Variants in AMBN observed in about 807,000 individuals in gnomAD.
AMBN encodes the protein enamel matrix protein.
A neutral mutation model predicts 48.0 loss-of-function variants in AMBN; 54 were observed. The ratio of observed to expected loss-of-function variants is 1.12; its 90% CI spans 0.90 to 1.41. AMBN has a LOEUF of 1.41. Ranked by LOEUF, AMBN falls within the 40% of genes most tolerant of loss-of-function variation. The probability of loss-of-function intolerance (pLI) is 0.00; values close to 1 mark genes in which losing one functional copy is unlikely to be tolerated. For synonymous variants in AMBN, 186 were observed against 190.0 expected (o/e 0.98, Z 0.17); for missense variants, 571 against 547.3 (o/e 1.04, Z -0.43).
At position 70,603,801 on chromosome 4, in the gene AMBN, A is replaced by C; in HGVS notation, c.754-76A>C. 2.0e-6 allele frequency: 3 copies of C among 1,512,210 alleles called. No homozygotes were observed. The South Asian group carries it at 3.4e-5, about 17-fold the overall frequency. The allele number at this position is 1,512,210 out of a possible 1,614,324, so 93.7% of individuals were successfully genotyped here. A position where few individuals can be genotyped will look rare whatever the true frequency, so the allele number is the denominator to read the frequency against. ...ATATTAAGGTTTAAGTGAAAACTAA[A>C]TAACTTTTAACTTTGTCTTGAGTAG... is the stretch of plus-strand genomic sequence containing the variant. On this transcript the variant is annotated intron_variant, in intron 11 of 12. Coordinates refer to ENST00000322937, the MANE Select transcript of AMBN (RefSeq NM_016519.6).
chr4:70,606,517 C>G lies in AMBN; in HGVS notation c.1131C>G (p.Ser377Arg). ...SPSGKMKGLP[S>R]VTPAAADPLM... is the part of the protein sequence containing the mutation. ...CAGGGAAGATGAAGGGACTCCCCAG[C>G]GTCACCCCAGCAGCTGCTGACCCAC... Residue 377 changes from serine to arginine, a missense_variant, in exon 13 of 13, where the codon AGC (serine) becomes AGG (arginine). Coordinates refer to ENST00000322937, the MANE Select transcript of AMBN (RefSeq NM_016519.6). The G allele has an allele frequency of 6.2e-7, 1 of 1,614,078 alleles. No individual in the cohort carries two copies. The highest frequency in any genetic ancestry group is 8.5e-7 in the Non-Finnish European group (1 of 1,179,984).
intron 6 of AMBN, 40 bp from the exon 7 acceptor site, chr4:70,602,584 A>T (rs764939749): frequency 6.9e-7 from 1 of 1,450,852 alleles, no homozygotes; most frequent in Non-Finnish European, 9.3e-7. Context: ...TATTTTGTTT[A>T]TTTTTTGACT....
Position 70,593,395 on chromosome 4 carries a change from G to T in AMBN, c.84G>T (p.Pro28=). 2.5e-6 allele frequency: 4 copies of T among 1,609,236 alleles called. No individual in the cohort carries two copies. The highest frequency in any genetic ancestry group is 3.4e-6 in the Non-Finnish European group (4 of 1,175,974). The change falls in exon 2 of 13, where the codon CCG becomes CCT. Residue 28 remains proline (P), a splice_region_variant and synonymous_variant. Coordinates refer to ENST00000322937, the MANE Select transcript of AMBN (RefSeq NM_016519.6). ...LCLLEMSFAV[P]FFPQQSGTPG... is the part of the protein sequence containing the mutation. ...TCCTGGAAATGAGTTTTGCAGTGCC[G>T]GTAAGTCAGTCTTTAGAGTGTGTCC...
In AMBN at chr4:70,606,552, C is replaced by G. The variant is rs1737658386; in HGVS notation, c.1166C>G (p.Pro389Arg). Residue 389 changes from proline (P) to arginine (R), a missense_variant, in exon 13 of 13, where the codon CCT (proline) becomes CGT (arginine). Coordinates refer to ENST00000322937, the MANE Select transcript of AMBN (RefSeq NM_016519.6). ...GCAGCTGCTGACCCACTGATGACCC[C>G]TGAATTAGCTGATGTTTATAGGACC... ...TPAAADPLMT[P>R]ELADVYRTYD... 1.2e-6 allele frequency: 2 copies of G among 1,614,024 alleles called. No individual in the cohort carries two copies. Among genetic ancestry groups the G allele is most frequent in the Non-Finnish European group, 1.7e-6 (2 of 1,180,012 alleles).
intron 3 of AMBN, among the ~76,000 whole-genome samples, chr4:70,597,458 A>G (rs1737412422): frequency 3.3e-5 from 5 of 152,080 alleles, no homozygotes; most frequent in African/African-American, 9.7e-5. Context: ...AATTTTTTAT[A>G]AGTCTGGTAA....
rs1459914614 is a variant in AMBN at position 70,606,777 on chromosome 4, T to A, written c.*47T>A. 1 of 1,560,230 alleles carries A rather than the reference T, an allele frequency of 6.4e-7. No homozygotes were observed. Among genetic ancestry groups the A allele is most frequent in the Non-Finnish European group, 8.7e-7 (1 of 1,152,454 alleles). ...TTTCTGTATGCACAAGCTTCCCAGC[T>A]TTGTCCCCACAGTGTACCTTTTTGC... On this transcript the variant is annotated 3_prime_UTR_variant, in exon 13 of 13. Transcript: ENST00000322937.
rs762819032 is a variant in AMBN, at chr4:70,602,611, A to G, written c.532-13A>G. The G allele has an allele frequency of 1.6e-5, 25 of 1,535,004 alleles. No individual in the cohort carries two copies. The highest frequency in any genetic ancestry group is 1.8e-5 in the Non-Finnish European group (20 of 1,142,368). On this transcript the variant is annotated splice_polypyrimidine_tract_variant and intron_variant, in intron 6 of 12. Transcript: ENST00000322937. ...TTTTTGACTGATAATTTTAATATTT[A>G]TCTGTGATATAGCTCCCAGGAGTAG...
chr4:70,593,641 G>A (rs922102411), intron 2 of AMBN, among the ~76,000 whole-genome samples: 2 of 152,116 alleles, frequency 1.3e-5, no homozygotes, highest in Non-Finnish European at 2.9e-5. Context: ...GAGGCAGGAG[G>A]ATGACCTGAG....
chr4:70,606,101 T>C (rs1204553265), intron 12 of AMBN, 84 bp from the exon 13 acceptor site: 8 of 1,478,068 alleles, frequency 5.4e-6, no homozygotes, highest in Non-Finnish European at 6.4e-6. Flanking sequence ...TTAGAGATCC[T>C]TGGTGAATGT....
rs758351216 is a variant in AMBN, at chr4:70,602,600, TTTTAATA to T, written c.532-19_532-13del. ...ATTTTGTTTATTTTTTGACTGATAA[TTTTAATA>T]TTTATCTGTGATATAGCTCCCAGGA... On this transcript the variant is annotated splice_polypyrimidine_tract_variant and intron_variant, in intron 6 of 12. Transcript: ENST00000322937. 19 of 1,516,070 alleles carry T rather than the reference TTTTAATA, an allele frequency of 1.3e-5. No individual in the cohort carries two copies. In the South Asian group the frequency reaches 2.5e-4, roughly 20 times the overall value. 93.9% of individuals were successfully genotyped at this position (1,516,070 alleles called of 1,614,324 possible).
At chr4:70,604,796 C>G (rs1042640217) in intron 12 of AMBN, among the ~76,000 whole-genome samples, 1 of 152,042 alleles carries the variant, frequency 6.6e-6, no homozygotes, top group Admixed American at 6.6e-5. Context: ...AGTTTGAGAC[C>G]AGCCTGGCCA....
At chr4:70,603,495 A>G in intron 11 of AMBN, 35 bp downstream of exon 11, 1 of 1,579,768 alleles carries the variant, frequency 6.3e-7, no homozygotes, top group South Asian at 1.2e-5. Flanking sequence ...ATTGTTTTTA[A>G]TTAAATTTTA....
chr4:70,594,097 C>T (rs1296020608), intron 2 of AMBN, among the ~76,000 whole-genome samples: 1 of 152,150 alleles, frequency 6.6e-6, no homozygotes, highest in African/African-American at 2.4e-5. Flanking sequence ...TCAAAAAGAA[C>T]TATCTCTAAA....
chr4:70,596,059 G>A (rs1737378015), intron 2 of AMBN, among the ~76,000 whole-genome samples: 1 of 152,060 alleles, frequency 6.6e-6, no homozygotes. Flanking sequence ...GGAGGCTAAG[G>A]TGGGCGGATC....
chr4:70,605,163 A>C (rs189438972), intron 12 of AMBN, among the ~76,000 whole-genome samples: 173 of 152,280 alleles, frequency 1.1e-3, no homozygotes, highest in Non-Finnish European at 1.9e-3. Flanking sequence ...AGGGATTCAC[A>C]GTATCATCCC....
Position 70,601,426 on chromosome 4 carries a change from T to C in AMBN, c.303T>C (p.Tyr101=), listed in dbSNP as rs759782328. 2.5e-6 allele frequency: 4 copies of C among 1,613,994 alleles called. No individual in the cohort carries two copies. Among genetic ancestry groups the C allele is most frequent in the Non-Finnish European group, 3.4e-6 (4 of 1,179,860 alleles). Residue 101 remains tyrosine (Y), a synonymous_variant, in exon 6 of 13, where the codon TAT becomes TAC. Transcript: ENST00000322937. ...PREHETQQYE[Y]SLPVHPPPLP... ...TTCAAATTTCTCTGCAGTATGAATA[T>C]TCTTTGCCTGTGCATCCCCCACCTC...
chr4:70,603,968 A>G (rs752528379), intron 12 of AMBN, 47 bp downstream of exon 12: 9 of 1,587,076 alleles, frequency 5.7e-6, no homozygotes, highest in Non-Finnish European at 6.9e-6. Context: ...CCAGGGAAGA[A>G]CAGTCACTTA....
chr4:70,592,583 T>G (rs548085077), intron 1 of AMBN, among the ~76,000 whole-genome samples: 143 of 152,262 alleles, frequency 9.4e-4, no homozygotes, highest in African/African-American at 3.2e-3. Context: ...GATTGTGTTT[T>G]TTTTAATGTT....
In AMBN at chr4:70,606,185, G is replaced by C. The variant is rs1484724748; in HGVS notation, c.799G>C (p.Gly267Arg). 1 of 1,612,104 alleles carries C rather than the reference G, an allele frequency of 6.2e-7. No individual in the cohort carries two copies. ...CTTTGACGAATGTTTTTTTTTCCAGGGCGGGAGAGAAGACCCAATGGCCTA... is the reference window on the plus strand; with the variant it reads ...CTTTGACGAATGTTTTTTTTTCCAGCGCGGGAGAGAAGACCCAATGGCCTA... ...LGIMSSEEVAGGREDPMAYGA... is the reference protein window; with the variant it reads ...LGIMSSEEVARGREDPMAYGA... The change falls in exon 13 of 13, where the codon GGC (glycine) becomes CGC (arginine). Residue 267 changes from glycine (G) to arginine (R), a missense_variant and splice_region_variant. Transcript: ENST00000322937.
Sources: allele counts gnomAD v4.1 joint callset (sites outside exome capture counted in the v4.1 genomes callset), GRCh38; gene constraint gnomAD v4.1.1; transcripts MANE v1.5; gene names NCBI Gene and HGNC (gene_info 2026-07-23, HGNC 2026-07-21).